RIF1: variants seen among roughly 807,000 people sequenced by gnomAD.
RIF1 encodes the protein replication timing regulatory factor 1.
Under a neutral mutation model 247.1 loss-of-function variants are expected in RIF1, and 45 were observed. The observed-to-expected ratio is 0.18, with a 90% CI of 0.14 to 0.23. RIF1 has a LOEUF of 0.23. RIF1 is among the 10% of genes least tolerant of loss of function. RIF1 has a pLI of 1.00. For missense variants in RIF1, 2,967 were observed against 2,862.5 expected, an observed-to-expected ratio of 1.04 and a Z score of -0.83; for synonymous variants, 1,087 against 978.8, an observed-to-expected ratio of 1.11 and a Z score of -2.06.
In RIF1 at chr2:151,422,563, G is replaced by A. The variant is rs563882617; in HGVS notation, c.694-387G>A. Among the ~76,000 whole-genome samples, 18 of 151,438 alleles carry A rather than the reference G, an allele frequency of 1.2e-4. No homozygotes were observed. The East Asian group carries it at 2.9e-3, about 25-fold the overall frequency. Reference sequence around the variant, plus strand: ...CGCCCAGGCTGGAGGACAGTGGCACGATTTCTGCTCTCTGCAACCTCCACC... The same window carrying A: ...CGCCCAGGCTGGAGGACAGTGGCACAATTTCTGCTCTCTGCAACCTCCACC... On this transcript the variant is annotated intron_variant, in intron 7 of 35. Transcript: ENST00000444746.
At chr2:151,525,037 C>T in the RIF1 span, 4 of 750,642 alleles carry the variant, frequency 5.3e-6, no homozygotes, top group Admixed American at 2.7e-5. Context: ...AACCAATTCT[C>T]GCCACTAACT....
intron 27 of RIF1, 75 bp from the exon 28 acceptor site, chr2:151,462,167 C>G (rs1696286741): frequency 6.6e-6 from 7 of 1,067,438 alleles, no homozygotes; most frequent in Non-Finnish European, 9.5e-6. Context: ...GCCACCGTAC[C>G]TGGCCATAAG....
In RIF1 at chr2:151,464,379, A is replaced by G; in HGVS notation, c.4859A>G (p.Glu1620Gly). The G allele has an allele frequency of 6.2e-7, 1 of 1,610,288 alleles. No individual in the cohort carries two copies. Among genetic ancestry groups the G allele is most frequent in the African/African-American group, 1.3e-5 (1 of 74,774 alleles). The change falls in exon 30 of 36, where the codon GAA becomes GGA. Residue 1620 changes from glutamate (E) to glycine (G), a missense_variant. Glu to Gly is a moderately conservative substitution (Grantham distance 98). Transcript: ENST00000444746. ...EDVSIKSPIC[E>G]KQDESNTVIC... Reference sequence around the variant, plus strand: ...GTAAGCATAAAATCTCCGATTTGCGAAAAACAAGATGAAAGTAATACTGTA... The same window carrying G: ...GTAAGCATAAAATCTCCGATTTGCGGAAAACAAGATGAAAGTAATACTGTA...
chr2:151,466,124 AG>A lies in RIF1; in HGVS notation c.6600+8del. On this transcript the variant is annotated splice_donor_5th_base_variant and intron_variant, in intron 30 of 35. Transcript: ENST00000444746. The stretch of plus-strand genomic sequence containing the variant: ...AATCTCATCACCTGTTAATAAGGTA[AG>A]GGGAATGAGGCTAAATATTAAGGAA... 1.3e-6 allele frequency: 2 copies of A among 1,521,536 alleles called. No homozygotes were observed. Among genetic ancestry groups the A allele is most frequent in the Non-Finnish European group, 1.8e-6 (2 of 1,114,442 alleles). 94.3% of individuals were successfully genotyped at this position (1,521,536 alleles called of 1,614,324 possible).
Position 151,503,388 on chromosome 2 carries a change from CT to C in RIF1, c.*861+204del, listed in dbSNP as rs1396689726. ...CTTGATTGCGTTTGACTCTCTCAAT[CT>C]CTGGAGTCACAGTGGTTGGAATGCC... On this transcript the variant is annotated intron_variant and NMD_transcript_variant, in intron 12 of 13. Transcript: ENST00000454583. 2.5e-6 allele frequency: 4 copies of C among 1,612,892 alleles called. No individual in the cohort carries two copies. Among genetic ancestry groups the C allele is most frequent in the Non-Finnish European group, 2.5e-6 (3 of 1,179,130 alleles).
intron 13 of RIF1, 118 bp from the exon 14 acceptor site, chr2:151,438,566 T>C (rs1409198940): frequency 7.2e-6 from 5 of 691,852 alleles, no homozygotes; most frequent in Non-Finnish European, 5.2e-6. Context: ...TGAGGAAAAT[T>C]AAATTAAGTA....
intron 30 of RIF1, 101 bp downstream of exon 30, chr2:151,466,221 G>T: frequency 1.5e-6 from 1 of 673,974 alleles, no homozygotes; most frequent in Non-Finnish European, 2.6e-6. Flanking sequence ...ACAATTATAT[G>T]GCCACTCATT....
At chr2:151,412,254 T>C (rs1361134698) in intron 3 of RIF1, among the ~76,000 whole-genome samples, 1 of 17,190 alleles carries the variant, frequency 5.8e-5, no homozygotes, top group Admixed American at 1.2e-3. Context: ...AACTTTTATC[T>C]CCAAAGTTTG....
chr2:151,460,782 G>A (rs1696022696), intron 26 of RIF1, among the ~76,000 whole-genome samples: 1 of 152,206 alleles, frequency 6.6e-6, no homozygotes, highest in African/African-American at 2.4e-5. Context: ...AGGGCATTTT[G>A]TATTGGCGAC....
rs1480056391 is a variant in RIF1, at chr2:151,466,020, C to G, written c.6500C>G (p.Thr2167Arg). 1 of 1,613,946 alleles carries G rather than the reference C, an allele frequency of 6.2e-7. No homozygotes were observed. Among genetic ancestry groups the G allele is most frequent in the Non-Finnish European group, 8.5e-7 (1 of 1,179,904 alleles). The part of the protein sequence containing the change: ...SANDSPSGMQ[T>R]RCVWSPLASP... ...AATGACAGTCCTAGTGGCATGCAGACACGCTGTGTCTGGTCTCCTTTGGCT... is the reference window on the plus strand; with the variant it reads ...AATGACAGTCCTAGTGGCATGCAGAGACGCTGTGTCTGGTCTCCTTTGGCT... The change falls in exon 30 of 36, where the codon ACA becomes AGA. Residue 2167 changes from threonine to arginine, a missense_variant. Physicochemically the swap from Thr to Arg is moderately conservative, Grantham distance 71 (BLOSUM62 -1). This residue lies in a region of RIF1 where 2,028 missense variants were observed against 1,825.6 expected (regional missense o/e 1.11). Coordinates refer to ENST00000444746, the MANE Select transcript of RIF1 (RefSeq NM_018151.5).
chr2:151,475,168 C>T lies in RIF1; in HGVS notation c.*97C>T, dbSNP rs1242395608. ...TAATAGCACAATTTCAAAGAAGAGA[C>T]TCTTTGCAAAGTTGATAACATTTCA... is the stretch of plus-strand genomic sequence containing the variant. On this transcript the variant is annotated 3_prime_UTR_variant, in exon 36 of 36. Transcript: ENST00000444746. 6 of 849,064 alleles carry T rather than the reference C, an allele frequency of 7.1e-6. No homozygotes were observed. In the Admixed American group the frequency reaches 8.6e-5, roughly 12 times the overall value. The allele number at this position is 849,064 out of a possible 1,614,324, so 52.6% of individuals were successfully genotyped here.
chr2:151,411,324 T>C lies in RIF1; in HGVS notation c.169T>C (p.Tyr57His). The C allele has an allele frequency of 6.3e-7, 1 of 1,591,014 alleles. No homozygotes were observed. The highest frequency in any genetic ancestry group is 8.6e-7 in the Non-Finnish European group (1 of 1,162,742). Residue 57 changes from tyrosine to histidine, a missense_variant, in exon 3 of 36, where the codon TAC becomes CAC. Around this residue, in one of 7 missense-constraint regions of RIF1, gnomAD observed 269 missense variants for 288.6 expected, o/e 0.93. Transcript: ENST00000444746. ...AATTGAGAAAAAACTTCCTCGGCTG[T>C]ACAAAGTTTTAAAGGTATGTATCTG... The part of the protein sequence containing the change: ...TEIEKKLPRL[Y>H]KVLKTHISSQ...
chr2:151,489,806 TAATG>T (rs976742353), intron 9 of RIF1, among the ~76,000 whole-genome samples: 4 of 152,088 alleles, frequency 2.6e-5, no homozygotes, highest in African/African-American at 9.7e-5. Context: ...TTGAGTTAGA[TAATG>T]AAAGTTTTCT....
intron 11 of RIF1, 148 bp downstream of exon 11, chr2:151,435,728 C>A: frequency 7.5e-6 from 4 of 534,314 alleles, no homozygotes; most frequent in East Asian, 6.0e-5. Flanking sequence ...TTTTTAGGTT[C>A]ATTACCAAAA....
intron 9 of RIF1, chr2:151,491,682 C>T: frequency 1.3e-6 from 2 of 1,581,624 alleles, no homozygotes; most frequent in Non-Finnish European, 1.7e-6. Context: ...AGCTAACACA[C>T]CATTAATCAT....
intron 21 of RIF1, among the ~76,000 whole-genome samples, chr2:151,453,641 A>G (rs1694723114): frequency 6.6e-6 from 1 of 151,298 alleles, no homozygotes; most frequent in African/African-American, 2.4e-5. Context: ...ATCTGGGATT[A>G]CCATATTGCT....
chr2:151,422,292 T>C (rs1688320872), intron 7 of RIF1, among the ~76,000 whole-genome samples: 1 of 152,124 alleles, frequency 6.6e-6, no homozygotes, highest in Admixed American at 6.6e-5. Flanking sequence ...TTAAACTAGT[T>C]AATGATATGC....
chr2:151,451,556 A>C, intron 20 of RIF1, 50 bp from the exon 21 acceptor site: 1 of 890,322 alleles, frequency 1.1e-6, no homozygotes, highest in Non-Finnish European at 1.9e-6. Flanking sequence ...CTTTTGTTGA[A>C]TACTGTCCCA....
chr2:151,453,036 A>AT (rs1450935876), intron 21 of RIF1, among the ~76,000 whole-genome samples: 1 of 152,164 alleles, frequency 6.6e-6, no homozygotes, highest in African/African-American at 2.4e-5. Context: ...TCACCTTGGG[A>AT]TTTTTTGGTG....
Sources: allele counts gnomAD v4.1 joint callset (sites outside exome capture counted in the v4.1 genomes callset), GRCh38; gene constraint gnomAD v4.1.1; regional missense constraint gnomAD v4.1.1; transcripts MANE v1.5; gene names NCBI Gene and HGNC (gene_info 2026-07-23, HGNC 2026-07-21).